Variants in PNISR observed in about 807,000 individuals in gnomAD.
PNISR encodes arginine/serine-rich protein PNISR.
PNISR carries 20 observed loss-of-function variants against 93.4 expected under a neutral mutation model. The ratio of observed to expected loss-of-function variants is 0.21; its 90% CI spans 0.15 to 0.31. The LOEUF is 0.31. PNISR is among the 10% of genes least tolerant of loss of function. PNISR has a pLI of 1.00. For missense variants in PNISR, 893 were observed against 985.4 expected (o/e 0.91, Z 1.25); for synonymous variants, 305 against 306.5 (o/e 0.99, Z 0.05).
At chr6:99,406,483 C>G (rs1776168285) in intron 7 of PNISR, among the ~76,000 whole-genome samples, 1 of 152,108 alleles carries the variant, frequency 6.6e-6, no homozygotes, top group South Asian at 2.1e-4. Flanking sequence ...TAATTACTAT[C>G]TATTACATAT....
At chr6:99,419,659 C>T (rs1171150415) in intron 1 of PNISR, among the ~76,000 whole-genome samples, 2 of 152,074 alleles carry the variant, frequency 1.3e-5, no homozygotes, top group Non-Finnish European at 1.5e-5. Flanking sequence ...GTAATTTGTA[C>T]TGCCTGTACT....
Position 99,399,308 on chromosome 6 carries a change from T to C in PNISR, c.*1232A>G, listed in dbSNP as rs1045316840. On this transcript the variant is annotated 3_prime_UTR_variant, in exon 12 of 12. Transcript: ENST00000369239. Reference sequence around the variant, plus strand: ...AGAGCCCCATTCTACTTGTAAGTTATCAATGCCTTAAACTGTTAGACCACT... The same window carrying C: ...AGAGCCCCATTCTACTTGTAAGTTACCAATGCCTTAAACTGTTAGACCACT... 5.3e-5 allele frequency: 8 copies of C among 152,256 alleles called. No homozygotes were observed. Among genetic ancestry groups the C allele is most frequent in the Admixed American group, 3.3e-4 (5 of 15,302 alleles). The allele number at this position is 152,256 out of a possible 1,614,324, so 9.4% of individuals were successfully genotyped here. A position where few individuals can be genotyped will look rare whatever the true frequency, so the allele number is the denominator to read the frequency against.
At chr6:99,413,971 C>A (rs1777327575) in intron 3 of PNISR, among the ~76,000 whole-genome samples, 1 of 151,970 alleles carries the variant, frequency 6.6e-6, no homozygotes, top group Non-Finnish European at 1.5e-5. Context: ...AACAAAACAC[C>A]CAAAAGTGGC....
Position 99,402,632 on chromosome 6 carries a change from T to A in PNISR, c.1235A>T (p.Asp412Val), listed in dbSNP as rs1185377335. 1 of 1,613,634 alleles carries A rather than the reference T, an allele frequency of 6.2e-7. No homozygotes were observed. Among genetic ancestry groups the A allele is most frequent in the Non-Finnish European group, 8.5e-7 (1 of 1,179,716 alleles). The part of the protein sequence containing the change: ...DRGSESSDTD[D>V]EELRHRIRQK... ...CCGGATTCGATGCCGTAATTCTTCA[T>A]CATCAGTGTCAGATGACTCAGATCC... The change falls in exon 11 of 12, where the codon GAT (aspartate) becomes GTT (valine). Residue 412 changes from aspartate to valine, a missense_variant. Coordinates refer to ENST00000369239, the MANE Select transcript of PNISR (RefSeq NM_032870.4).
rs1312110589 is a variant in PNISR at position 99,402,570 on chromosome 6, GTTCTTT to G, written c.1291_1296del (p.Lys431_Glu432del). 6.2e-7 allele frequency: 1 copy of G among 1,613,370 alleles called. No homozygotes were observed. The highest frequency in any genetic ancestry group is 8.5e-7 in the Non-Finnish European group (1 of 1,179,604). ...ATCTGTTTATCATGTAATAGCTGCT[GTTCTTT>G]TTCTTTTCTCCAAAAAGCTTCCTGT... On this transcript the variant is annotated inframe_deletion, in exon 11 of 12. Coordinates refer to ENST00000369239, the MANE Select transcript of PNISR (RefSeq NM_032870.4).
chr6:99,401,759 G>C (rs1305372249), intron 11 of PNISR, 129 bp from the exon 12 acceptor site: 2 of 650,060 alleles, frequency 3.1e-6, no homozygotes, highest in African/African-American at 3.8e-5. Flanking sequence ...AGCCATGTAA[G>C]TAATTCAAAA....
rs1777075860 is a variant in PNISR at position 99,412,521 on chromosome 6, C to T, written c.277+30G>A. 4 of 1,478,868 alleles carry T rather than the reference C, an allele frequency of 2.7e-6. No homozygotes were observed. The East Asian group carries it at 9.1e-5, about 34-fold the overall frequency. The allele number at this position is 1,478,868 out of a possible 1,614,324, so 91.6% of individuals were successfully genotyped here. A position where few individuals can be genotyped will look rare whatever the true frequency, so the allele number is the denominator to read the frequency against. ...AATCTTCATTCTGTTTTTTAAAAGT[C>T]TTAAAATTGTGAAAACATAAACAAC... is the stretch of plus-strand genomic sequence containing the variant. On this transcript the variant is annotated intron_variant, in intron 4 of 11. Coordinates refer to ENST00000369239, the MANE Select transcript of PNISR (RefSeq NM_032870.4).
rs552251382 is a variant in PNISR, at chr6:99,411,454, G to C, written c.278-490C>G. Among the ~76,000 whole-genome samples the C allele has an allele frequency of 2.0e-5, 3 of 152,168 alleles. No homozygotes were observed. In the East Asian group the frequency reaches 5.8e-4, roughly 29 times the overall value. On this transcript the variant is annotated intron_variant, in intron 4 of 11. Transcript: ENST00000369239. ...GTCACAAAGTAGAGTAAAACTAAGG[G>C]GTAGGGATGCCCGCGGGAGTCATTT...
chr6:99,407,746 G>A (rs993788045), intron 7 of PNISR, among the ~76,000 whole-genome samples: 1 of 152,196 alleles, frequency 6.6e-6, no homozygotes. Context: ...ATGTTCAAAA[G>A]AGGGAGATTT....
chr6:99,403,613 A>G, intron 10 of PNISR: 1 of 366,128 alleles, frequency 2.7e-6, no homozygotes. Flanking sequence ...CTGCCCCAAT[A>G]AACTATGAAT....
At chr6:99,425,029 T>C (rs1220634986) in intron 1 of PNISR, 186 bp downstream of exon 1, 1 of 394,534 alleles carries the variant, frequency 2.5e-6, no homozygotes, top group African/African-American at 2.1e-5. Flanking sequence ...CATTTCCTTT[T>C]CAGCGAAAGC....
Position 99,409,168 on chromosome 6 carries a change from G to A in PNISR, c.673+5C>T, listed in dbSNP as rs375454698. On this transcript the variant is annotated splice_donor_5th_base_variant and intron_variant, in intron 6 of 11. Coordinates refer to ENST00000369239, the MANE Select transcript of PNISR (RefSeq NM_032870.4). ...GTGGTCCACTAAACTAAGTTAAATA[G>A]CTACCAATTTGTGGAGGCTCCTGCT... 3 of 1,611,262 alleles carry A rather than the reference G, an allele frequency of 1.9e-6. No individual in the cohort carries two copies. The highest frequency in any genetic ancestry group is 2.7e-5 in the African/African-American group (2 of 74,966).
intron 3 of PNISR, among the ~76,000 whole-genome samples, chr6:99,413,391 TATCC>T (rs34008318): frequency 0.36 from 54,416 of 149,406 alleles, 10,236 homozygotes; most frequent in Non-Finnish European, 0.42. Flanking sequence ...TTTACGTATC[TATCC>T]ATCCATCCAT....
chr6:99,403,156 T>C (rs1351269023), intron 10 of PNISR: 1 of 152,386 alleles, frequency 6.6e-6, no homozygotes, highest in Non-Finnish European at 1.5e-5. Flanking sequence ...AGAAATATTA[T>C]GGTGCTGAAA....
In PNISR at chr6:99,400,835, T is replaced by C. The variant is rs1313507099; in HGVS notation, c.2123A>G (p.Asp708Gly). The C allele has an allele frequency of 3.1e-6, 5 of 1,610,652 alleles. No homozygotes were observed. The highest frequency in any genetic ancestry group is 4.2e-6 in the Non-Finnish European group (5 of 1,177,718). ...TTCTCGTTTCCTTTTTAATCTATCA[T>C]CCTGACTACTGAACTTAAAATCTTT... Reference protein sequence around the residue: ...EEKDFKFSSQDDRLKRKRESE... With the variant: ...EEKDFKFSSQGDRLKRKRESE... Residue 708 changes from aspartate to glycine, a missense_variant, in exon 12 of 12, where the codon GAT becomes GGT. Physicochemically the swap from Asp to Gly is moderately conservative, Grantham distance 94 (BLOSUM62 -1). This residue lies in a region of PNISR where 866 missense variants were observed against 935.1 expected (regional missense o/e 0.93). Coordinates refer to ENST00000369239, the MANE Select transcript of PNISR (RefSeq NM_032870.4).
At chr6:99,424,877 A>G (rs1314237284) in intron 1 of PNISR, 3 of 210,124 alleles carry the variant, frequency 1.4e-5, no homozygotes, top group African/African-American at 6.9e-5. Flanking sequence ...CTCCGCCCCC[A>G]TGAACCCCCT....
intron 1 of PNISR, among the ~76,000 whole-genome samples, chr6:99,421,518 G>A (rs1778549758): frequency 6.6e-6 from 1 of 152,138 alleles, no homozygotes; most frequent in South Asian, 2.1e-4. Flanking sequence ...CACTTACAGG[G>A]AGAATGTAAC....
rs551863095 is a variant in PNISR at position 99,400,291 on chromosome 6, C to T, written c.*249G>A. The T allele has an allele frequency of 4.9e-5, 50 of 1,026,738 alleles. No individual in the cohort carries two copies. Among genetic ancestry groups the T allele is most frequent in the African/African-American group, 6.8e-5 (4 of 58,468 alleles). 63.6% of individuals were successfully genotyped at this position (1,026,738 alleles called of 1,614,324 possible). ...TTGCCACATCATTCCTCAGCGTTTA[C>T]GACGGGGAGGGGTTGTTGATCTGAA... is the stretch of plus-strand genomic sequence containing the variant. On this transcript the variant is annotated 3_prime_UTR_variant, in exon 12 of 12. Coordinates refer to ENST00000369239, the MANE Select transcript of PNISR (RefSeq NM_032870.4).
intron 11 of PNISR, 61 bp downstream of exon 11, chr6:99,402,479 G>A: frequency 9.3e-7 from 1 of 1,080,604 alleles, no homozygotes; most frequent in Non-Finnish European, 1.3e-6. Context: ...TTTTAGGTTA[G>A]TTAAAAAATA....
Sources: gnomAD v4.1 joint callset for allele counts (sites outside exome capture counted in the v4.1 genomes callset) on GRCh38, gnomAD v4.1.1 for gene constraint, gnomAD v4.1.1 regional missense constraint, MANE v1.5 for transcripts, NCBI Gene and HGNC (gene_info 2026-07-23, HGNC 2026-07-21) for gene names.